The following RIT2 variants were observed in gnomAD, a reference collection of about 807,000 sequenced individuals.
RIT2 encodes GTP-binding protein Rit2.
In RIT2, 24 loss-of-function variants were observed where a neutral mutation model predicts 23.7. The observed-to-expected ratio is 1.01, with a 90% confidence interval of 0.73 to 1.43. The LOEUF (loss-of-function observed/expected upper bound fraction) is 1.43, where lower values mean the gene tolerates loss of function less well. Among genes scored for constraint, RIT2 ranks in the 40% most tolerant of loss-of-function variants. RIT2 has a pLI of 0.00. For missense variants in RIT2, 236 were observed against 266.9 expected, an observed-to-expected ratio of 0.88 and a Z score of 0.81; for synonymous variants, 107 against 91.1, an observed-to-expected ratio of 1.17 and a Z score of -0.99.
intron 4 of RIT2, among the ~76,000 whole-genome samples, chr18:42,829,427 G>A (rs1344018263): frequency 6.6e-6 from 1 of 152,174 alleles, no homozygotes; most frequent in Admixed American, 6.5e-5. Flanking sequence ...TACCTACCCA[G>A]GGATAATTAT....
chr18:42,881,999 T>G (rs546342617), intron 4 of RIT2, among the ~76,000 whole-genome samples: 214 of 152,368 alleles, frequency 1.4e-3, no homozygotes, highest in African/African-American at 5.0e-3. Context: ...AATCTTATTC[T>G]TGCTTTTCTA....
intron 4 of RIT2, among the ~76,000 whole-genome samples, chr18:42,803,212 T>C (rs188752668): frequency 9.2e-5 from 14 of 152,354 alleles, no homozygotes; most frequent in Admixed American, 7.8e-4. Context: ...CTATTTTTTG[T>C]TCAAATATAT....
chr18:42,983,198 A>T (rs1241261900), intron 2 of RIT2, among the ~76,000 whole-genome samples: 1 of 152,130 alleles, frequency 6.6e-6, no homozygotes, highest in African/African-American at 2.4e-5. Flanking sequence ...ATCCAGAATA[A>T]AACCCACAAA....
At chr18:43,019,922 C>A (rs1911557338) in intron 2 of RIT2, among the ~76,000 whole-genome samples, 1 of 151,152 alleles carries the variant, frequency 6.6e-6, no homozygotes, top group Admixed American at 6.6e-5. Flanking sequence ...ATCAAGGATT[C>A]AATCCCATCT....
intron 4 of RIT2, among the ~76,000 whole-genome samples, chr18:42,813,362 T>A (rs935873007): frequency 2.6e-5 from 4 of 152,268 alleles, no homozygotes; most frequent in African/African-American, 9.6e-5. Flanking sequence ...GTGGTGGAGT[T>A]ACATCTGTAG....
In RIT2 at chr18:42,786,798, T is replaced by G. The variant is rs1030271275; in HGVS notation, c.427-43078A>C. On this transcript the variant is annotated intron_variant, in intron 4 of 4. Transcript: ENST00000326695. ...GAAAAACCCATCACCTTTCTTTCCATTTATCAAAACTCGTTTGTTCAGATC... is the reference window on the plus strand; with the variant it reads ...GAAAAACCCATCACCTTTCTTTCCAGTTATCAAAACTCGTTTGTTCAGATC... Among the ~76,000 whole-genome samples, 10 of 152,264 alleles carry G rather than the reference T, an allele frequency of 6.6e-5. No homozygotes were observed. The South Asian group carries it at 1.9e-3, about 28-fold the overall frequency.
At chr18:42,905,540 T>C (rs1415605833) in intron 4 of RIT2, among the ~76,000 whole-genome samples, 2 of 152,198 alleles carry the variant, frequency 1.3e-5, no homozygotes, top group Non-Finnish European at 2.9e-5. Context: ...TGGTGCAATC[T>C]TGGCTCACTG....
chr18:42,838,903 C>T (rs1399091663), intron 4 of RIT2, among the ~76,000 whole-genome samples: 2 of 152,172 alleles, frequency 1.3e-5, no homozygotes, highest in African/African-American at 4.8e-5. Context: ...ACAATTTTCT[C>T]TCACTTGAGA....
Position 43,052,512 on chromosome 18 carries a change from T to C in RIT2, c.104-18645A>G, listed in dbSNP as rs987633013. Among the ~76,000 whole-genome samples the C allele has an allele frequency of 4.6e-5, 7 of 152,110 alleles. No homozygotes were observed. In the East Asian group the frequency reaches 1.4e-3, roughly 29 times the overall value. On this transcript the variant is annotated intron_variant, in intron 1 of 4. Coordinates refer to ENST00000326695, the MANE Select transcript of RIT2 (RefSeq NM_002930.4). ...ATATAAAACTCTAATTCCTATTACA[T>C]ACAGGATCAGTTCCAAACTCCCTAG...
chr18:42,795,870 T>G (rs1905334561), intron 4 of RIT2, among the ~76,000 whole-genome samples: 1 of 152,170 alleles, frequency 6.6e-6, no homozygotes, highest in Non-Finnish European at 1.5e-5. Flanking sequence ...GGTGGGGCCT[T>G]GGAGGACCTT....
intron 2 of RIT2, among the ~76,000 whole-genome samples, chr18:42,979,086 TC>T (rs1235556602): frequency 1.3e-5 from 2 of 152,140 alleles, no homozygotes; most frequent in Non-Finnish European, 2.9e-5. Context: ...GAAATGTTTT[TC>T]CCAAGTAAAT....
At chr18:42,934,587 G>C (rs944667127) in intron 3 of RIT2, among the ~76,000 whole-genome samples, 2 of 152,096 alleles carry the variant, frequency 1.3e-5, no homozygotes, top group Non-Finnish European at 2.9e-5. Context: ...TTAGTAAGTT[G>C]TAGTAAATAT....
intron 4 of RIT2, among the ~76,000 whole-genome samples, chr18:42,903,109 T>C (rs1238898900): frequency 1.3e-5 from 2 of 152,004 alleles, no homozygotes; most frequent in Non-Finnish European, 2.9e-5. Context: ...TAAAAAATCA[T>C]CTTGAATATG....
At chr18:42,905,516 A>G (rs890993488) in intron 4 of RIT2, among the ~76,000 whole-genome samples, 1 of 152,192 alleles carries the variant, frequency 6.6e-6, no homozygotes, top group African/African-American at 2.4e-5. Context: ...TCTGTCATCC[A>G]GGCTGGAGTG....
intron 4 of RIT2, among the ~76,000 whole-genome samples, chr18:42,882,627 TG>T (rs1266928104): frequency 6.6e-6 from 1 of 152,210 alleles, no homozygotes; most frequent in Non-Finnish European, 1.5e-5. Flanking sequence ...TCAAGATCAC[TG>T]GGTCTAGTCA....
intron 1 of RIT2, among the ~76,000 whole-genome samples, chr18:43,050,010 A>G (rs1912340548): frequency 1.1e-5 from 1 of 93,696 alleles, no homozygotes; most frequent in African/African-American, 4.0e-5. Context: ...TTAATGAACG[A>G]GACATACTCA....
In RIT2 at chr18:42,840,959, G is replaced by A. The variant is rs114076489; in HGVS notation, c.426+82613C>T. The stretch of plus-strand genomic sequence containing the variant: ...TGCCTCTACCACTAGACTACCTTCC[G>A]AAGTTAGGACTGGCATTTCCACAGT... On this transcript the variant is annotated intron_variant, in intron 4 of 4. Transcript: ENST00000326695. Among the ~76,000 whole-genome samples, 227 of 152,248 alleles carry A rather than the reference G, an allele frequency of 1.5e-3. 1 individual carries two copies. The highest frequency in any genetic ancestry group is 5.1e-3 in the African/African-American group (210 of 41,520).
In RIT2 at chr18:42,970,989, A is replaced by G. The variant is rs148156795; in HGVS notation, c.234+3085T>C. 9.9e-5 allele frequency among the ~76,000 whole-genome samples: 15 copies of G among 152,104 alleles called. No homozygotes were observed. In the East Asian group the frequency reaches 2.9e-3, roughly 29 times the overall value. On this transcript the variant is annotated intron_variant, in intron 3 of 4. Coordinates refer to ENST00000326695, the MANE Select transcript of RIT2 (RefSeq NM_002930.4). ...TCTCTTTTACAAGCACAATCATGAA[A>G]CACATTGGGACTTGGCCTCCAGTAT...
chr18:43,109,163 A>T (rs904302670), intron 1 of RIT2, among the ~76,000 whole-genome samples: 4 of 152,200 alleles, frequency 2.6e-5, no homozygotes, highest in African/African-American at 9.6e-5. Flanking sequence ...CTCTTTATAA[A>T]ATCCTGCTAC....
Sources: gnomAD v4.1 joint callset for allele counts (sites outside exome capture counted in the v4.1 genomes callset) on GRCh38, gnomAD v4.1.1 for gene constraint, MANE v1.5 for transcripts, NCBI Gene and HGNC (gene_info 2026-07-23, HGNC 2026-07-21) for gene names.